Variants in UNC5C observed in about 807,000 individuals in gnomAD.
UNC5C encodes the protein netrin receptor UNC5C.
Under a neutral mutation model 99.8 loss-of-function variants are expected in UNC5C, and 47 were observed. The ratio of observed to expected loss-of-function variants is 0.47; its 90% CI spans 0.37 to 0.60. The LOEUF is 0.60. Among genes scored for constraint, UNC5C ranks in the 20% least tolerant of loss-of-function variants. The probability of loss-of-function intolerance (pLI) is 0.00; values close to 1 mark genes in which losing one functional copy is unlikely to be tolerated. For missense variants in UNC5C, 1,062 were observed against 1,165.9 expected, an observed-to-expected ratio of 0.91 and a Z score of 1.30; for synonymous variants, 487 against 452.2, an observed-to-expected ratio of 1.08 and a Z score of -0.98.
chr4:95,485,424 T>C (rs2149479510), intron 1 of UNC5C, among the ~76,000 whole-genome samples: 1 of 151,950 alleles, frequency 6.6e-6, no homozygotes, highest in African/African-American at 2.4e-5. Context: ...TTGTAGGCAC[T>C]TGAATCATCA....
intron 1 of UNC5C, among the ~76,000 whole-genome samples, chr4:95,435,103 C>T (rs1446746180): frequency 1.3e-5 from 2 of 151,992 alleles, no homozygotes; most frequent in Admixed American, 6.6e-5. Flanking sequence ...ATCACAAATT[C>T]CAGAGATAGA....
At chr4:95,449,271 G>A (rs556641188) in intron 1 of UNC5C, among the ~76,000 whole-genome samples, 1 of 152,130 alleles carries the variant, frequency 6.6e-6, no homozygotes, top group African/African-American at 2.4e-5. Flanking sequence ...TACATGCTTG[G>A]TACGCAAAAG....
chr4:95,247,049 A>G (rs985865434), intron 5 of UNC5C, among the ~76,000 whole-genome samples: 1 of 138,090 alleles, frequency 7.2e-6, no homozygotes, highest in Non-Finnish European at 1.6e-5. Flanking sequence ...AAATAAAAAA[A>G]TAAAAAAAAA....
At chr4:95,228,756 C>A (rs536881777) in intron 7 of UNC5C, among the ~76,000 whole-genome samples, 144 of 152,178 alleles carry the variant, frequency 9.5e-4, no homozygotes, top group Non-Finnish European at 2.2e-4. Flanking sequence ...CATGAGATAA[C>A]CCTGCTGATT....
At chr4:95,325,026 T>C (rs1427162055) in intron 2 of UNC5C, among the ~76,000 whole-genome samples, 1 of 152,198 alleles carries the variant, frequency 6.6e-6, no homozygotes, top group Non-Finnish European at 1.5e-5. Flanking sequence ...TTTTCCAAAA[T>C]AACATCTATT....
intron 7 of UNC5C, among the ~76,000 whole-genome samples, chr4:95,240,457 G>A (rs1442228775): frequency 1.3e-5 from 2 of 152,068 alleles, no homozygotes; most frequent in Admixed American, 6.6e-5. Flanking sequence ...ATTCTCTGTT[G>A]GACTGGAGTG....
At chr4:95,463,243 T>C (rs1290964082) in intron 1 of UNC5C, among the ~76,000 whole-genome samples, 5 of 152,106 alleles carry the variant, frequency 3.3e-5, no homozygotes, top group African/African-American at 1.2e-4. Context: ...CTGCGGGGAC[T>C]GCAGAGCCGC....
In UNC5C at chr4:95,242,718, A is replaced by T. The variant is rs1359072873; in HGVS notation, c.944-125T>A. On this transcript the variant is annotated intron_variant, in intron 6 of 15. Transcript: ENST00000453304. ...AGCATGCCCTACTGAGAAGCACTGT[A>T]TTCATTTCAATTGCTGGGAACTGCA... The T allele has an allele frequency of 1.2e-5, 13 of 1,096,594 alleles. 1 individual carries two copies. The South Asian group carries it at 2.3e-4, about 19-fold the overall frequency. The allele number at this position is 1,096,594 out of a possible 1,614,324, so 67.9% of individuals were successfully genotyped here. A position where few individuals can be genotyped will look rare whatever the true frequency, so the allele number is the denominator to read the frequency against.
chr4:95,291,286 T>C (rs1416003375), intron 3 of UNC5C, among the ~76,000 whole-genome samples: 1 of 152,146 alleles, frequency 6.6e-6, no homozygotes, highest in Non-Finnish European at 1.5e-5. Flanking sequence ...ATAAGAAATA[T>C]GCCAACTTTA....
At chr4:95,395,341 C>T (rs76443526) in intron 1 of UNC5C, among the ~76,000 whole-genome samples, 2,616 of 116,312 alleles carry the variant, frequency 0.022, 88 homozygotes, top group African/African-American at 0.095. Flanking sequence ...AAGCTATTTT[C>T]CTTTTGCACA....
chr4:95,468,086 T>C (rs1240870205), intron 1 of UNC5C, among the ~76,000 whole-genome samples: 1 of 150,836 alleles, frequency 6.6e-6, no homozygotes, highest in Non-Finnish European at 1.5e-5. Flanking sequence ...AAGGCATACT[T>C]GGCGGACTTT....
chr4:95,194,464 G>C (rs1449176623), intron 12 of UNC5C, among the ~76,000 whole-genome samples: 1 of 152,060 alleles, frequency 6.6e-6, no homozygotes, highest in Non-Finnish European at 1.5e-5. Context: ...TTAAAATCAA[G>C]GTGTGTCAGT....
At chr4:95,226,656 A>T (rs1738701998) in intron 7 of UNC5C, among the ~76,000 whole-genome samples, 1 of 152,204 alleles carries the variant, frequency 6.6e-6, no homozygotes, top group Admixed American at 6.5e-5. Flanking sequence ...CACTCTCTTC[A>T]TGTAAAAAGG....
intron 2 of UNC5C, among the ~76,000 whole-genome samples, chr4:95,327,162 G>A (rs545926270): frequency 9.9e-5 from 15 of 152,054 alleles, no homozygotes; most frequent in African/African-American, 3.1e-4. Context: ...GTTGCAGGGT[G>A]GATCTAGCTT....
intron 1 of UNC5C, among the ~76,000 whole-genome samples, chr4:95,337,757 T>TCA (rs1743405245): frequency 6.6e-6 from 1 of 152,038 alleles, no homozygotes; most frequent in Non-Finnish European, 1.5e-5. Flanking sequence ...AGATGTTTGT[T>TCA]AACACTTGAA....
In UNC5C at chr4:95,206,714, C is replaced by A; in HGVS notation, c.1816G>T (p.Val606Phe). Reference sequence around the variant, plus strand: ...TCTGCGCAGTGATGCATAGTGAGGACGACTGGGCGGGTGAGCAGAGCTCCT... The same window carrying A: ...TCTGCGCAGTGATGCATAGTGAGGAAGACTGGGCGGGTGAGCAGAGCTCCT... ...PPGALLTRPVVLTMHHCADPN... is the reference protein window; with the variant it reads ...PPGALLTRPVFLTMHHCADPN... Residue 606 changes from valine (V) to phenylalanine (F), a missense_variant, in exon 11 of 16, where the codon GTC (valine) becomes TTC (phenylalanine). This residue lies in a region of UNC5C where 810 missense variants were observed against 854.5 expected (regional missense o/e 0.95). Transcript: ENST00000453304. 6.2e-7 allele frequency: 1 copy of A among 1,613,970 alleles called. No individual in the cohort carries two copies. Among genetic ancestry groups the A allele is most frequent in the Non-Finnish European group, 8.5e-7 (1 of 1,179,976 alleles).
intron 1 of UNC5C, among the ~76,000 whole-genome samples, chr4:95,441,297 A>T (rs2149463596): frequency 6.6e-6 from 1 of 152,350 alleles, no homozygotes; most frequent in South Asian, 2.1e-4. Flanking sequence ...AAAAGGAAGC[A>T]GTGGAACTGC....
intron 7 of UNC5C, among the ~76,000 whole-genome samples, chr4:95,241,946 A>G (rs761088320): frequency 1.3e-5 from 2 of 152,208 alleles, no homozygotes; most frequent in Non-Finnish European, 2.9e-5. Context: ...CAGAATTTTC[A>G]AGAGGTTGCA....
Position 95,169,390 on chromosome 4 carries a change from A to G in UNC5C, c.2640T>C (p.Asn880=), listed in dbSNP as rs1735995812. 2 of 1,613,972 alleles carry G rather than the reference A, an allele frequency of 1.2e-6. No individual in the cohort carries two copies. The highest frequency in any genetic ancestry group is 1.7e-6 in the Non-Finnish European group (2 of 1,179,936). ...TTGGGCTGGATTTGGTGGCAAAGTA[A>G]TTCAAGTACCTGTAATTGGGAAAGA... ...AHKLNLDRYL[N]YFATKSSPTG... The change falls in exon 16 of 16, where the codon AAT becomes AAC. Residue 880 remains asparagine (N), a synonymous_variant. Coordinates refer to ENST00000453304, the MANE Select transcript of UNC5C (RefSeq NM_003728.4).
Sources: gnomAD v4.1 joint callset for allele counts (sites outside exome capture counted in the v4.1 genomes callset) on GRCh38, gnomAD v4.1.1 for gene constraint, gnomAD v4.1.1 regional missense constraint, MANE v1.5 for transcripts, NCBI Gene and HGNC (gene_info 2026-07-23, HGNC 2026-07-21) for gene names.